Variants in CCDC102B observed in about 807,000 individuals in gnomAD.
CCDC102B encodes the protein coiled-coil domain containing 102B.
Under a neutral mutation model 57.4 loss-of-function variants are expected in CCDC102B, and 75 were observed. The ratio of observed to expected loss-of-function variants is 1.31; its 90% CI spans 1.08 to 1.58. The LOEUF is 1.58. Ranked by LOEUF, CCDC102B falls within the 40% of genes most tolerant of loss-of-function variation. The pLI is 0.00. For missense variants in CCDC102B, 636 were observed against 582.6 expected (o/e 1.09, Z -0.94); for synonymous variants, 206 against 201.9 (o/e 1.02, Z -0.17).
chr18:68,835,694 C>T (rs958500866), intron 1 of CCDC102B, among the ~76,000 whole-genome samples: 1 of 152,166 alleles, frequency 6.6e-6, no homozygotes, highest in Non-Finnish European at 1.5e-5. Context: ...TTCTACGTGT[C>T]ATGCCATAAT....
At chr18:68,936,262 C>T (rs897529753) in intron 6 of CCDC102B, among the ~76,000 whole-genome samples, 3 of 151,782 alleles carry the variant, frequency 2.0e-5, no homozygotes, top group Admixed American at 6.6e-5. Flanking sequence ...TGTTGTATAG[C>T]GGTTATTCAG....
chr18:68,928,222 C>T lies in CCDC102B; in HGVS notation c.1263+30794C>T, dbSNP rs1014550297. On this transcript the variant is annotated intron_variant, in intron 6 of 7. Coordinates refer to ENST00000360242, the MANE Select transcript of CCDC102B (RefSeq NM_024781.3). ...AGTTATTAAGTTACGGTTTCGAGTA[C>T]TATACGGATCAGGACATTGGAGACA... Among the ~76,000 whole-genome samples, 8 of 152,038 alleles carry T rather than the reference C, an allele frequency of 5.3e-5. No individual in the cohort carries two copies. The South Asian group carries it at 1.2e-3, about 24-fold the overall frequency.
intron 1 of CCDC102B, among the ~76,000 whole-genome samples, chr18:68,832,985 C>G (rs1219891178): frequency 6.6e-6 from 1 of 152,034 alleles, no homozygotes; most frequent in East Asian, 1.9e-4. Context: ...ACTCAAAGGA[C>G]AGTGTCAGGA....
chr18:68,809,035 T>A (rs2036147062), intron 1 of CCDC102B, among the ~76,000 whole-genome samples: 1 of 152,182 alleles, frequency 6.6e-6, no homozygotes, highest in African/African-American at 2.4e-5. Flanking sequence ...AGAAAAAACA[T>A]AATTATGAAA....
At position 68,838,791 on chromosome 18, in the gene CCDC102B, G is replaced by A. The variant is rs1381447669; in HGVS notation, c.692G>A (p.Gly231Asp). Reference protein sequence around the residue: ...LDGVDLFNNGGSGNGETKTGL... With the variant: ...LDGVDLFNNGDSGNGETKTGL... ...GGTGTTGATTTATTCAACAATGGTG[G>A]TTCTGGAAACGGTGAAACGAAAACT... is the stretch of plus-strand genomic sequence containing the variant. The change falls in exon 3 of 8, where the codon GGT becomes GAT. Residue 231 changes from glycine to aspartate, a missense_variant. Coordinates refer to ENST00000360242, the MANE Select transcript of CCDC102B (RefSeq NM_024781.3). The A allele has an allele frequency of 3.1e-6, 5 of 1,613,888 alleles. No individual in the cohort carries two copies. The highest frequency in any genetic ancestry group is 4.2e-6 in the Non-Finnish European group (5 of 1,179,972).
At chr18:68,742,574 T>C (rs995756200) in intron 2 of CCDC102B, among the ~76,000 whole-genome samples, 2 of 152,212 alleles carry the variant, frequency 1.3e-5, no homozygotes, top group African/African-American at 4.8e-5. Context: ...CATAACTTCT[T>C]GATGGTTAAT....
chr18:68,822,945 A>G (rs2126805), intron 1 of CCDC102B, among the ~76,000 whole-genome samples: 65,888 of 151,942 alleles, frequency 0.43, 15,580 homozygotes, highest in East Asian at 0.86. Flanking sequence ...TGCCTAAGTG[A>G]CAAGAAACCA....
At chr18:68,766,272 A>C (rs2034467610) in intron 2 of CCDC102B, among the ~76,000 whole-genome samples, 1 of 152,178 alleles carries the variant, frequency 6.6e-6, no homozygotes, top group South Asian at 2.1e-4. Context: ...ATTAGCAGAC[A>C]AAGTGCTGTA....
chr18:69,044,421 T>C (rs2052508104), intron 7 of CCDC102B, among the ~76,000 whole-genome samples: 1 of 152,176 alleles, frequency 6.6e-6, no homozygotes, highest in African/African-American at 2.4e-5. Context: ...TCTTCTAAAA[T>C]GACAAATTCA....
chr18:68,805,405 T>A (rs2035998750), intron 1 of CCDC102B, among the ~76,000 whole-genome samples: 1 of 151,718 alleles, frequency 6.6e-6, no homozygotes, highest in East Asian at 1.9e-4. Context: ...TGATCAAGAG[T>A]GTAGGTGCAG....
At chr18:68,948,818 A>C (rs1284373742) in intron 6 of CCDC102B, among the ~76,000 whole-genome samples, 1 of 152,142 alleles carries the variant, frequency 6.6e-6, no homozygotes, top group Non-Finnish European at 1.5e-5. Context: ...CAAACCACTT[A>C]TTCTCTCATA....
chr18:68,802,466 G>T (rs1187839295), intron 1 of CCDC102B, among the ~76,000 whole-genome samples: 2 of 152,164 alleles, frequency 1.3e-5, no homozygotes, highest in African/African-American at 4.8e-5. Context: ...TTTTTGATAT[G>T]TTTTTATATT....
chr18:68,885,655 C>T (rs2144974089), intron 5 of CCDC102B, among the ~76,000 whole-genome samples: 1 of 151,922 alleles, frequency 6.6e-6, no homozygotes, highest in African/African-American at 2.4e-5. Flanking sequence ...ACTCAATTTA[C>T]AATAATAATA....
chr18:68,912,372 A>G (rs4597421), intron 6 of CCDC102B, among the ~76,000 whole-genome samples: 42,969 of 152,112 alleles, frequency 0.28, 7,486 homozygotes, highest in East Asian at 0.62. Context: ...TTACTCACAC[A>G]CTAACAGTCC....
intron 6 of CCDC102B, among the ~76,000 whole-genome samples, chr18:68,911,338 A>C (rs978512849): frequency 2.0e-5 from 3 of 152,210 alleles, no homozygotes; most frequent in African/African-American, 7.2e-5. Flanking sequence ...GCAGGAACAG[A>C]AAACCAAATA....
chr18:69,000,460 A>G (rs2051170420), intron 6 of CCDC102B, among the ~76,000 whole-genome samples: 1 of 152,216 alleles, frequency 6.6e-6, no homozygotes, highest in Admixed American at 6.5e-5. Context: ...CATTAGTGAT[A>G]TGACTATATA....
chr18:69,014,978 A>AGTGTGTGTGT lies in CCDC102B; in HGVS notation c.1434+3890_1434+3899dup, dbSNP rs3035604. ...GTGAATGAGAGAGAGAGAGAGAGAGAGTGTGTGTGTGTGTGTGTGTGTGTG... is the reference window on the plus strand; with the variant it reads ...GTGAATGAGAGAGAGAGAGAGAGAGAGTGTGTGTGTGTGTGTGTGTGTGTGTGTGTGTGTG... On this transcript the variant is annotated intron_variant, in intron 7 of 7. Coordinates refer to ENST00000360242, the MANE Select transcript of CCDC102B (RefSeq NM_024781.3). 3.6e-5 allele frequency among the ~76,000 whole-genome samples: 5 copies of AGTGTGTGTGT among 139,332 alleles called. No individual in the cohort carries two copies. In the East Asian group the frequency reaches 1.1e-3, roughly 31 times the overall value. The allele number at this position is 139,332 out of a possible 152,430, so 91.4% of individuals were successfully genotyped here.
chr18:68,715,248 A>G (rs2031868056), exon 1 of CCDC102B: 1 of 1,326,858 alleles, frequency 7.5e-7, no homozygotes, highest in South Asian at 1.7e-5. Context: ...GCCCCCCTCC[A>G]CGCCCAGGAG....
intron 6 of CCDC102B, among the ~76,000 whole-genome samples, chr18:68,928,520 C>T (rs550534279): frequency 3.4e-4 from 51 of 151,492 alleles, no homozygotes; most frequent in Admixed American, 7.2e-4. Context: ...TCAAGCCATG[C>T]CAGATGATAA....
Sources: gnomAD v4.1 joint callset for allele counts (sites outside exome capture counted in the v4.1 genomes callset) on GRCh38, gnomAD v4.1.1 for gene constraint, MANE v1.5 for transcripts, NCBI Gene and HGNC (gene_info 2026-07-23, HGNC 2026-07-21) for gene names.